CBL: variants seen among roughly 807,000 people sequenced by gnomAD.
The protein encoded by CBL is Cbl proto-oncogene.
A neutral mutation model predicts 96.9 loss-of-function variants in CBL; 45 were observed. The ratio of observed to expected loss-of-function variants is 0.46; its 90% CI spans 0.37 to 0.60. CBL has a LOEUF of 0.60. CBL is among the 20% of genes least tolerant of loss of function. The pLI is 0.00. For synonymous variants in CBL, 420 were observed against 426.8 expected, an observed-to-expected ratio of 0.98 and a Z score of 0.20; for missense variants, 1,024 against 1,143.5, an observed-to-expected ratio of 0.90 and a Z score of 1.51.
At chr11:119,242,085 A>C (rs1949590755) in intron 2 of CBL, among the ~76,000 whole-genome samples, 1 of 152,224 alleles carries the variant, frequency 6.6e-6, no homozygotes, top group Non-Finnish European at 1.5e-5. Flanking sequence ...ATAGGTTACT[A>C]AATTAGTATT....
intron 2 of CBL, among the ~76,000 whole-genome samples, chr11:119,251,091 C>T (rs527630657): frequency 2.0e-5 from 3 of 152,130 alleles, no homozygotes; most frequent in Non-Finnish European, 4.4e-5. Context: ...CTTCCAAATT[C>T]TGGTGCAATT....
intron 2 of CBL, among the ~76,000 whole-genome samples, chr11:119,255,371 T>C (rs546585108): frequency 1.3e-5 from 2 of 152,262 alleles, no homozygotes; most frequent in East Asian, 3.9e-4. Flanking sequence ...TCATGATGGC[T>C]TGGACTAAGG....
At chr11:119,237,401 A>G (rs1391046544) in intron 2 of CBL, among the ~76,000 whole-genome samples, 8 of 152,202 alleles carry the variant, frequency 5.3e-5, no homozygotes, top group Admixed American at 4.6e-4. Context: ...CTTGAATCAC[A>G]AAAGTTTTTA....
chr11:119,288,468 T>G (rs1460524945), intron 12 of CBL, among the ~76,000 whole-genome samples: 2 of 120,632 alleles, frequency 1.7e-5, no homozygotes, highest in African/African-American at 5.8e-5. Flanking sequence ...CCTCAGTGTT[T>G]GCACAGACAG....
intron 2 of CBL, among the ~76,000 whole-genome samples, chr11:119,251,191 G>A (rs1949667558): frequency 6.6e-6 from 1 of 152,152 alleles, no homozygotes; most frequent in Non-Finnish European, 1.5e-5. Flanking sequence ...ATACACGTTA[G>A]TTGAGCACTT....
chr11:119,287,798 G>T (rs138607572), intron 11 of CBL, 54 bp from the exon 12 acceptor site: 13 of 1,098,092 alleles, frequency 1.2e-5, no homozygotes, highest in South Asian at 2.5e-5. Context: ...AATAAGAGCA[G>T]AGGCTCAGCT....
intron 2 of CBL, among the ~76,000 whole-genome samples, chr11:119,242,880 T>G (rs2135273502): frequency 6.6e-6 from 1 of 152,232 alleles, no homozygotes; most frequent in South Asian, 2.1e-4. Flanking sequence ...CTATTTATGA[T>G]GAGTATTCCA....
chr11:119,232,347 T>C (rs1949509489), intron 1 of CBL, 101 bp from the exon 2 acceptor site: 1 of 1,276,826 alleles, frequency 7.8e-7, no homozygotes, highest in Non-Finnish European at 1.1e-6. Flanking sequence ...ATTTTTCATA[T>C]TTTGCAAAAG....
At chr11:119,220,983 C>T (rs1427110585) in intron 1 of CBL, among the ~76,000 whole-genome samples, 1 of 148,620 alleles carries the variant, frequency 6.7e-6, no homozygotes, top group Non-Finnish European at 1.5e-5. Flanking sequence ...CAGTGGCTTA[C>T]GCCTGTAATC....
At chr11:119,274,331 A>T (rs1010034646) in intron 4 of CBL, among the ~76,000 whole-genome samples, 2 of 152,146 alleles carry the variant, frequency 1.3e-5, no homozygotes, top group Non-Finnish European at 2.9e-5. Flanking sequence ...GAATATGAAT[A>T]TATTAGTTTT....
At chr11:119,277,385 G>A (rs927826793) in intron 6 of CBL, among the ~76,000 whole-genome samples, 2 of 151,590 alleles carry the variant, frequency 1.3e-5, no homozygotes, top group Non-Finnish European at 2.9e-5. Context: ...CCTAAGAGTC[G>A]TTTTGAAAAA....
intron 1 of CBL, among the ~76,000 whole-genome samples, chr11:119,212,001 C>T (rs1949322744): frequency 6.6e-6 from 1 of 152,104 alleles, no homozygotes; most frequent in African/African-American, 2.4e-5. Flanking sequence ...CTCACTGCAG[C>T]CCCTGCCTCC....
At chr11:119,280,056 C>A (rs1388684382) in intron 9 of CBL, among the ~76,000 whole-genome samples, 1 of 152,220 alleles carries the variant, frequency 6.6e-6, no homozygotes, top group Admixed American at 6.5e-5. Flanking sequence ...AACACACTTT[C>A]CCTAGCCATG....
intron 1 of CBL, among the ~76,000 whole-genome samples, chr11:119,209,571 C>G (rs1338764002): frequency 6.6e-6 from 1 of 151,762 alleles, no homozygotes; most frequent in South Asian, 2.1e-4. Flanking sequence ...GAGCCAAGAT[C>G]GCACCACTGC....
At position 119,305,511 on chromosome 11, in the gene CBL, C is replaced by T. The variant is rs1006379169; in HGVS notation, c.*5730C>T. ...TGTCTCCTCCACTCTCCTCCTCACC[C>T]TCTCGCTCCTTCCTGTGTGAGGGCC... On this transcript the variant is annotated 3_prime_UTR_variant, in exon 16 of 16. Transcript: ENST00000264033. 5.2e-5 allele frequency: 12 copies of T among 230,522 alleles called. No individual in the cohort carries two copies. The highest frequency in any genetic ancestry group is 1.7e-4 in the Admixed American group (3 of 17,662). 14.3% of individuals were successfully genotyped at this position (230,522 alleles called of 1,614,324 possible).
chr11:119,222,843 C>T (rs1949421805), intron 1 of CBL, among the ~76,000 whole-genome samples: 1 of 152,002 alleles, frequency 6.6e-6, no homozygotes, highest in African/African-American at 2.4e-5. Flanking sequence ...ATAATAAGGA[C>T]TTTTTTTCCT....
intron 9 of CBL, among the ~76,000 whole-genome samples, chr11:119,283,625 C>CTTTTTTTTTTTTTTTATTTTTTTT (rs1949955350): frequency 2.2e-5 from 1 of 45,512 alleles, no homozygotes; most frequent in Non-Finnish European, 4.1e-5. Flanking sequence ...TTAATTCTTT[C>CTTTTTTTTTTTTTTTATTTTTTTT]TTTTTTTTTT....
intron 1 of CBL, among the ~76,000 whole-genome samples, chr11:119,231,101 T>C (rs1189198055): frequency 6.6e-6 from 1 of 152,118 alleles, no homozygotes; most frequent in Non-Finnish European, 1.5e-5. Flanking sequence ...CCTCAAGCGG[T>C]TGTTAAAACT....
intron 1 of CBL, among the ~76,000 whole-genome samples, chr11:119,208,616 C>T (rs1438114301): frequency 6.6e-6 from 1 of 152,096 alleles, no homozygotes; most frequent in Non-Finnish European, 1.5e-5. Flanking sequence ...GTCTCGAACT[C>T]CTGACCTCAG....
Sources: allele counts gnomAD v4.1 joint callset (sites outside exome capture counted in the v4.1 genomes callset), GRCh38; gene constraint gnomAD v4.1.1; transcripts MANE v1.5; gene names NCBI Gene and HGNC (gene_info 2026-07-23, HGNC 2026-07-21).